The following NAA30 variants were observed in gnomAD, a reference collection of about 807,000 sequenced individuals.
NAA30 encodes the protein N-alpha-acetyltransferase 30.
A neutral mutation model predicts 31.4 loss-of-function variants in NAA30; 5 were observed. The observed-to-expected ratio is 0.16, with a 90% CI of 0.08 to 0.33. The LOEUF (loss-of-function observed/expected upper bound fraction) is 0.33. Among genes scored for constraint, NAA30 ranks in the 10% least tolerant of loss-of-function variants. The probability of loss-of-function intolerance (pLI) is 1.00; values close to 1 mark genes in which losing one functional copy is unlikely to be tolerated. For missense variants in NAA30, 428 were observed against 490.8 expected (o/e 0.87, Z 1.21); for synonymous variants, 222 against 207.1 (o/e 1.07, Z -0.62).
Position 57,414,985 on chromosome 14 carries a change from CTATG to C in NAA30, c.*5472_*5475del, listed in dbSNP as rs2066541205. 1 of 152,184 alleles carries C rather than the reference CTATG, an allele frequency of 6.6e-6. No homozygotes were observed. Among genetic ancestry groups the C allele is most frequent in the South Asian group, 2.1e-4 (1 of 4,820 alleles). 9.4% of individuals were successfully genotyped at this position (152,184 alleles called of 1,614,324 possible). The stretch of plus-strand genomic sequence containing the variant: ...GGGGTTATAATGAAATAGTTTTAGT[CTATG>C]TAAGGTTTTTATAATGCTAAGAAAT... On this transcript the variant is annotated 3_prime_UTR_variant, in exon 5 of 5. Coordinates refer to ENST00000556492, the MANE Select transcript of NAA30 (RefSeq NM_001011713.3).
Position 57,396,688 on chromosome 14 carries a change from C to G in NAA30, c.772-64C>G, listed in dbSNP as rs1164190335. 3.2e-6 allele frequency: 5 copies of G among 1,571,598 alleles called. No individual in the cohort carries two copies. In the Admixed American group the frequency reaches 8.4e-5, roughly 26 times the overall value. ...CTTACCAATGGTTGGTTGTTGTTTT[C>G]TCTGGATAATTGTGCAGTACCTGAT... is the stretch of plus-strand genomic sequence containing the variant. On this transcript the variant is annotated intron_variant, in intron 2 of 4. Coordinates refer to ENST00000556492, the MANE Select transcript of NAA30 (RefSeq NM_001011713.3).
intron 2 of NAA30, among the ~76,000 whole-genome samples, chr14:57,396,087 ATC>A (rs1370097232): frequency 6.6e-6 from 1 of 152,006 alleles, no homozygotes; most frequent in African/African-American, 2.4e-5. Context: ...CCATTCTCCT[ATC>A]TCAGCTTTCC....
chr14:57,401,635 G>T (rs1291529641), intron 4 of NAA30, among the ~76,000 whole-genome samples: 1 of 152,200 alleles, frequency 6.6e-6, no homozygotes, highest in Non-Finnish European at 1.5e-5. Flanking sequence ...ATCTTCTGCA[G>T]ATCCAGTGAA....
chr14:57,402,310 A>G (rs746224548), intron 4 of NAA30, among the ~76,000 whole-genome samples: 2 of 152,172 alleles, frequency 1.3e-5, no homozygotes, highest in Non-Finnish European at 2.9e-5. Flanking sequence ...ACTTAATTTC[A>G]CTTGTTCAGT....
Position 57,412,815 on chromosome 14 carries a change from A to C in NAA30, c.*3299A>C, listed in dbSNP as rs1291556883. 1 of 152,196 alleles carries C rather than the reference A, an allele frequency of 6.6e-6. No homozygotes were observed. The highest frequency in any genetic ancestry group is 1.5e-5 in the Non-Finnish European group (1 of 68,042). 9.4% of individuals were successfully genotyped at this position (152,196 alleles called of 1,614,324 possible). ...TTGGGTTGTTTTGCTTTTACCTACT[A>C]AGTAAAACAGCAACAAACAATATAT... On this transcript the variant is annotated 3_prime_UTR_variant, in exon 5 of 5. Transcript: ENST00000556492.
intron 4 of NAA30, among the ~76,000 whole-genome samples, chr14:57,405,919 A>G (rs1436659323): frequency 6.6e-6 from 1 of 152,090 alleles, no homozygotes; most frequent in Non-Finnish European, 1.5e-5. Flanking sequence ...GATCGGTGGA[A>G]TTTCACTGTA....
chr14:57,399,449 A>G (rs894195065), intron 3 of NAA30, among the ~76,000 whole-genome samples: 3 of 152,178 alleles, frequency 2.0e-5, no homozygotes, highest in African/African-American at 7.2e-5. Context: ...AGCTTGGGTT[A>G]TGCAGTAAGT....
chr14:57,398,244 G>T (rs570278751), intron 3 of NAA30, among the ~76,000 whole-genome samples: 1 of 152,216 alleles, frequency 6.6e-6, no homozygotes, highest in African/African-American at 2.4e-5. Flanking sequence ...GATTTTTAAT[G>T]AATTGGGCTT....
chr14:57,404,722 G>A (rs778914137), intron 4 of NAA30, among the ~76,000 whole-genome samples: 3 of 152,116 alleles, frequency 2.0e-5, no homozygotes, highest in Non-Finnish European at 4.4e-5. Context: ...GGAGCAAGTC[G>A]CATCTTACGT....
chr14:57,391,448 C>T lies in NAA30; in HGVS notation c.491C>T (p.Ala164Val). ...GCAGCGGCGGCGAGCGATCCCGCGG[C>T]GGCCCGCAATGGACTGGCCGAGGGC... is the stretch of plus-strand genomic sequence containing the variant. ...VEAAAASDPAAARNGLAEGTE... is the reference protein window; with the variant it reads ...VEAAAASDPAVARNGLAEGTE... Residue 164 changes from alanine (A) to valine (V), a missense_variant, in exon 2 of 5, where the codon GCG (alanine) becomes GTG (valine). Coordinates refer to ENST00000556492, the MANE Select transcript of NAA30 (RefSeq NM_001011713.3). The surrounding 1 kb of genome is among the most constrained non-coding windows in gnomAD (Gnocchi z 4.1). 1 of 1,608,584 alleles carries T rather than the reference C, an allele frequency of 6.2e-7. No homozygotes were observed. The highest frequency in any genetic ancestry group is 8.5e-7 in the Non-Finnish European group (1 of 1,177,690).
Position 57,391,269 on chromosome 14 carries a change from G to A in NAA30, c.312G>A (p.Lys104=). 1 of 1,611,658 alleles carries A rather than the reference G, an allele frequency of 6.2e-7. No individual in the cohort carries two copies. The highest frequency in any genetic ancestry group is 8.5e-7 in the Non-Finnish European group (1 of 1,179,484). The change falls in exon 2 of 5, where the codon AAG becomes AAA. Residue 104 remains lysine (K), a synonymous_variant. Transcript: ENST00000556492. This position sits in a 1 kb window ranked among gnomAD's most constrained non-coding sequence, Gnocchi z 4.1. The stretch of plus-strand genomic sequence containing the variant: ...GGGCGGCCGCCTCCCTCAAGAGCAA[G>A]GTCCTGAGCGTAGCAGAGGTGGCCG... ...HLRAAASLKS[K]VLSVAEVAAT... is the part of the protein sequence containing the mutation.
chr14:57,396,688 C>T, intron 2 of NAA30, 64 bp from the exon 3 acceptor site: 1 of 1,571,598 alleles, frequency 6.4e-7, no homozygotes, highest in East Asian at 2.2e-5. Flanking sequence ...TTGTTGTTTT[C>T]TCTGGATAAT....
rs927528029 is a variant in NAA30 at position 57,413,741 on chromosome 14, G to T, written c.*4225G>T. 6.6e-6 allele frequency: 1 copy of T among 152,206 alleles called. No homozygotes were observed. Among genetic ancestry groups the T allele is most frequent in the Admixed American group, 6.5e-5 (1 of 15,276 alleles). The allele number at this position is 152,206 out of a possible 1,614,324, so 9.4% of individuals were successfully genotyped here. On this transcript the variant is annotated 3_prime_UTR_variant, in exon 5 of 5. Coordinates refer to ENST00000556492, the MANE Select transcript of NAA30 (RefSeq NM_001011713.3). ...ACTCCTGACCTCAAGTGATCTGCCC[G>T]CCTCGGCCTCCCAAAGTGTTGGAAT...
At chr14:57,396,295 AAT>A (rs1463189833) in intron 2 of NAA30, among the ~76,000 whole-genome samples, 1 of 152,192 alleles carries the variant, frequency 6.6e-6, no homozygotes, top group Non-Finnish European at 1.5e-5. Context: ...AATTTAACTG[AAT>A]ATATTTAAAT....
rs896247398 is a variant in NAA30 at position 57,396,755 on chromosome 14, A to G, written c.775A>G (p.Met259Val). The G allele has an allele frequency of 2.5e-6, 4 of 1,613,804 alleles. No homozygotes were observed. The highest frequency in any genetic ancestry group is 3.4e-6 in the Non-Finnish European group (4 of 1,179,860). ...TAACTGTTTGTTTATTTTTAAGGCC[A>G]TGGTAGGGGAGGAGTGTGTAGGTGC... ...HNWPQLCFLA[M>V]VGEECVGAIV... is the part of the protein sequence containing the mutation. Residue 259 changes from methionine (M) to valine (V), a missense_variant, in exon 3 of 5, where the codon ATG becomes GTG. Physicochemically the swap from Met to Val is conservative, Grantham distance 21. Coordinates refer to ENST00000556492, the MANE Select transcript of NAA30 (RefSeq NM_001011713.3).
rs2066475647 is a variant in NAA30, at chr14:57,401,205, G to A, written c.951+1322G>A. On this transcript the variant is annotated intron_variant, in intron 4 of 4. Coordinates refer to ENST00000556492, the MANE Select transcript of NAA30 (RefSeq NM_001011713.3). ...ATCTCATGAATGCATTTCCGTGTTA[G>A]AATACAGAGATTTACTGCTGAGCAT... is the stretch of plus-strand genomic sequence containing the variant. Among the ~76,000 whole-genome samples the A allele has an allele frequency of 3.9e-5, 6 of 152,144 alleles. No homozygotes were observed. In the South Asian group the frequency reaches 1.0e-3, roughly 26 times the overall value.
intron 4 of NAA30, among the ~76,000 whole-genome samples, chr14:57,404,134 A>G (rs1376221731): frequency 6.6e-6 from 1 of 152,304 alleles, no homozygotes; most frequent in African/African-American, 2.4e-5. Flanking sequence ...AGCCTGGCCA[A>G]TATGGTGAAA....
Position 57,404,148 on chromosome 14 carries a change from C to T in NAA30, c.951+4265C>T, listed in dbSNP as rs578148438. ...CAGCCTGGCCAATATGGTGAAACCC[C>T]GTCTCTACTAAAAATATACAAAAAT... On this transcript the variant is annotated intron_variant, in intron 4 of 4. Transcript: ENST00000556492. Among the ~76,000 whole-genome samples, 15 of 152,156 alleles carry T rather than the reference C, an allele frequency of 9.9e-5. No individual in the cohort carries two copies. In the South Asian group the frequency reaches 2.9e-3, roughly 29 times the overall value.
At chr14:57,393,733 T>C (rs1303002122) in intron 2 of NAA30, among the ~76,000 whole-genome samples, 1 of 152,140 alleles carries the variant, frequency 6.6e-6, no homozygotes, top group Non-Finnish European at 1.5e-5. Flanking sequence ...GGGGTAGGTT[T>C]TGTTTTGTTT....
Sources: gnomAD v4.1 joint callset for allele counts (sites outside exome capture counted in the v4.1 genomes callset) on GRCh38, gnomAD v4.1.1 for gene constraint, Gnocchi (gnomAD v3.1) non-coding constraint, MANE v1.5 for transcripts, NCBI Gene and HGNC (gene_info 2026-07-23, HGNC 2026-07-21) for gene names.